Variants in PDE8A observed in about 807,000 individuals in gnomAD.
PDE8A encodes phosphodiesterase 8A, also known as high affinity cAMP-specific and IBMX-insensitive 3',5'-cyclic phosphodiesterase 8A.
PDE8A carries 59 observed loss-of-function variants against 105.0 expected under a neutral mutation model. That is an observed-to-expected ratio of 0.56 (90% CI 0.46 to 0.70). PDE8A has a LOEUF of 0.70. Among genes scored for constraint, PDE8A ranks in the 30% least tolerant of loss-of-function variants. PDE8A has a pLI of 0.00. For synonymous variants in PDE8A, 355 were observed against 371.9 expected (o/e 0.95, Z 0.52); for missense variants, 1,014 against 1,045.9 (o/e 0.97, Z 0.42).
At chr15:85,130,104 A>T (rs2082310133) in intron 20 of PDE8A, among the ~76,000 whole-genome samples, 1 of 152,152 alleles carries the variant, frequency 6.6e-6, no homozygotes, top group Non-Finnish European at 1.5e-5. Flanking sequence ...GATCAGAGCA[A>T]AGGAAGGGGG....
At chr15:85,044,532 A>G (rs745671484) in intron 1 of PDE8A, among the ~76,000 whole-genome samples, 7 of 152,214 alleles carry the variant, frequency 4.6e-5, no homozygotes, top group Non-Finnish European at 7.3e-5. Flanking sequence ...CAGAGCCCCA[A>G]ATTTCCATGC....
chr15:85,054,758 C>G (rs1049436449), intron 1 of PDE8A, among the ~76,000 whole-genome samples: 1 of 152,182 alleles, frequency 6.6e-6, no homozygotes, highest in Non-Finnish European at 1.5e-5. Flanking sequence ...TTTCAAACAA[C>G]CAGCTCCTGG....
intron 1 of PDE8A, among the ~76,000 whole-genome samples, chr15:85,030,714 A>C (rs1413281665): frequency 6.6e-6 from 1 of 152,134 alleles, no homozygotes; most frequent in Non-Finnish European, 1.5e-5. Flanking sequence ...CTTTTTGCAC[A>C]TAATATTTTC....
intron 1 of PDE8A, among the ~76,000 whole-genome samples, chr15:85,034,619 A>G (rs2080672742): frequency 6.6e-6 from 1 of 152,242 alleles, no homozygotes; most frequent in Non-Finnish European, 1.5e-5. Context: ...TATAGGGTCT[A>G]TTTACAGCTA....
At chr15:84,993,304 G>A (rs1486259086) in intron 1 of PDE8A, among the ~76,000 whole-genome samples, 3 of 152,064 alleles carry the variant, frequency 2.0e-5, no homozygotes, top group South Asian at 2.1e-4. Context: ...TTAGCCGGGT[G>A]TGGTGGCAGG....
chr15:85,034,773 C>T (rs1021014291), intron 1 of PDE8A, among the ~76,000 whole-genome samples: 1 of 152,134 alleles, frequency 6.6e-6, no homozygotes, highest in Non-Finnish European at 1.5e-5. Flanking sequence ...GTCTTGAACT[C>T]CTCCTGGGTT....
Position 85,066,027 on chromosome 15 carries a change from A to AT in PDE8A, c.244-977dup, listed in dbSNP as rs11308498. On this transcript the variant is annotated intron_variant, in intron 2 of 21. Transcript: ENST00000394553. Reference sequence around the variant, plus strand: ...AATCTTTCTTCTTTTAATCAAAGCAATTTTTTTTTTAACTTGGAGGAATTA... The same window carrying AT: ...AATCTTTCTTCTTTTAATCAAAGCAATTTTTTTTTTTAACTTGGAGGAATTA... Among the ~76,000 whole-genome samples, 13 of 151,334 alleles carry AT rather than the reference A, an allele frequency of 8.6e-5. No homozygotes were observed. In the East Asian group the frequency reaches 1.4e-3, roughly 16 times the overall value.
chr15:85,081,525 A>T (rs1266211441), intron 5 of PDE8A, among the ~76,000 whole-genome samples: 1 of 152,194 alleles, frequency 6.6e-6, no homozygotes, highest in Non-Finnish European at 1.5e-5. Flanking sequence ...AAGTTAGCTT[A>T]GAAGTCTAGG....
intron 5 of PDE8A, among the ~76,000 whole-genome samples, chr15:85,077,687 T>G (rs1042501733): frequency 2.6e-5 from 4 of 152,084 alleles, no homozygotes; most frequent in Admixed American, 6.6e-5. Flanking sequence ...TAACAGACCC[T>G]CACACCCCTC....
intron 1 of PDE8A, among the ~76,000 whole-genome samples, chr15:85,048,443 G>A (rs1437463822): frequency 1.3e-5 from 2 of 152,054 alleles, no homozygotes; most frequent in African/African-American, 4.8e-5. Context: ...AAGGACCCAG[G>A]TGGCTCTCTG....
At chr15:85,097,819 G>A (rs1009946196) in intron 8 of PDE8A, 129 bp from the exon 9 acceptor site, 1 of 627,350 alleles carries the variant, frequency 1.6e-6, no homozygotes, top group African/African-American at 1.8e-5. Flanking sequence ...CCTGAAATCA[G>A]TTTGGGGTTG....
At chr15:84,981,520 G>T (rs981584090), upstream of PDE8A, among the ~76,000 whole-genome samples, 45 of 152,236 alleles carry the variant, frequency 3.0e-4, 1 homozygote, top group Admixed American at 2.6e-3. Context: ...TGGCCCGGCC[G>T]CTCCGAGGGG....
At chr15:85,017,262 CAA>C (rs11300943) in intron 1 of PDE8A, among the ~76,000 whole-genome samples, 201 of 143,598 alleles carry the variant, frequency 1.4e-3, no homozygotes, top group Admixed American at 1.9e-3. Context: ...AGCGAGACTC[CAA>C]AAAAAAAAAA....
intron 11 of PDE8A, among the ~76,000 whole-genome samples, chr15:85,107,850 C>T (rs2081968725): frequency 6.6e-6 from 1 of 152,116 alleles, no homozygotes; most frequent in Non-Finnish European, 1.5e-5. Flanking sequence ...TGAGATCTCC[C>T]AAGGAGGTTT....
chr15:85,057,895 A>G (rs187535111), intron 1 of PDE8A, among the ~76,000 whole-genome samples: 2 of 152,306 alleles, frequency 1.3e-5, no homozygotes, highest in East Asian at 3.9e-4. Flanking sequence ...CATCCCACTT[A>G]GTCATGGTGT....
rs138107779 is a variant in PDE8A, at chr15:85,122,194, A to G, written c.1953-867A>G. ...TAGCACGTATCACATTTCTTATTTA[A>G]TAATTATTTTTAATGATTTGTGTAA... is the stretch of plus-strand genomic sequence containing the variant. On this transcript the variant is annotated intron_variant, in intron 18 of 21. Coordinates refer to ENST00000394553, the MANE Select transcript of PDE8A (RefSeq NM_002605.3). Among the ~76,000 whole-genome samples the G allele has an allele frequency of 9.9e-4, 151 of 152,142 alleles. 1 individual carries two copies. The highest frequency in any genetic ancestry group is 3.5e-3 in the African/African-American group (147 of 41,486).
At chr15:85,136,706 TG>T (rs745393373) in intron 21 of PDE8A, 43 bp downstream of exon 21, 1 of 1,587,828 alleles carries the variant, frequency 6.3e-7, no homozygotes, top group Non-Finnish European at 8.6e-7. Context: ...CTCTAAATAA[TG>T]GGGAACCGCG....
chr15:85,097,676 TG>T, intron 8 of PDE8A: 1 of 327,832 alleles, frequency 3.1e-6, no homozygotes, highest in Non-Finnish European at 5.5e-6. Context: ...GCCCTTTATT[TG>T]GGGGTCCAGG....
chr15:85,090,382 A>G (rs1051439290), intron 7 of PDE8A, among the ~76,000 whole-genome samples: 4 of 152,216 alleles, frequency 2.6e-5, no homozygotes, highest in Non-Finnish European at 5.9e-5. Flanking sequence ...CCTGACAGAT[A>G]GTATCAATTA....
Sources: gnomAD v4.1 joint callset for allele counts (sites outside exome capture counted in the v4.1 genomes callset) on GRCh38, gnomAD v4.1.1 for gene constraint, MANE v1.5 for transcripts, NCBI Gene and HGNC (gene_info 2026-07-23, HGNC 2026-07-21) for gene names.